STXBP4: variants seen among roughly 807,000 people sequenced by gnomAD.
STXBP4 encodes the protein syntaxin-binding protein 4.
A neutral mutation model predicts 76.1 loss-of-function variants in STXBP4; 55 were observed. That is an observed-to-expected ratio of 0.72 (90% CI 0.58 to 0.91). The LOEUF (loss-of-function observed/expected upper bound fraction) is 0.91, where lower values mean the gene tolerates loss of function less well. Ranked by LOEUF, STXBP4 falls within the 40% of genes least tolerant of loss-of-function variation. STXBP4 has a pLI of 0.00. For synonymous variants in STXBP4, 201 were observed against 220.2 expected, an observed-to-expected ratio of 0.91 and a Z score of 0.77; for missense variants, 618 against 636.9, an observed-to-expected ratio of 0.97 and a Z score of 0.32.
chr17:55,025,782 G>A (rs1278197790), intron 8 of STXBP4, among the ~76,000 whole-genome samples: 1 of 152,148 alleles, frequency 6.6e-6, no homozygotes, highest in Admixed American at 6.6e-5. Context: ...GGAGGTTCTA[G>A]CCAGGATAAT....
the STXBP4 span, among the ~76,000 whole-genome samples, chr17:55,184,223 G>C: frequency 3.9e-5 from 6 of 151,926 alleles, no homozygotes; most frequent in Admixed American, 6.5e-5. Context: ...ATTGAAAAGA[G>C]GTTGTAGAGG....
intron 12 of STXBP4, among the ~76,000 whole-genome samples, chr17:55,048,907 T>C (rs9912810): frequency 0.064 from 9,659 of 151,978 alleles, 948 homozygotes; most frequent in African/African-American, 0.22. Flanking sequence ...CTGAATCTAA[T>C]ATAGGTACTG....
chr17:55,127,932 A>G (rs1386617378), intron 16 of STXBP4, among the ~76,000 whole-genome samples: 1 of 150,456 alleles, frequency 6.6e-6, no homozygotes, highest in East Asian at 1.9e-4. Context: ...TTTATATTCA[A>G]GGTCGGAAAC....
intron 1 of STXBP4, among the ~76,000 whole-genome samples, chr17:54,980,981 CAAT>C (rs2077543422): frequency 6.6e-6 from 1 of 151,700 alleles, no homozygotes; most frequent in Non-Finnish European, 1.5e-5. Flanking sequence ...GCTCATTAGT[CAAT>C]ATTAGTGTTA....
intron 16 of STXBP4, among the ~76,000 whole-genome samples, chr17:55,084,866 A>C (rs12938583): frequency 1 from 152,196 of 152,220 alleles, 76,086 homozygotes; most frequent in Middle Eastern, 1. Context: ...CCAGTATATA[A>C]CCAAAGGACT....
At chr17:55,199,579 C>T in the STXBP4 span, among the ~76,000 whole-genome samples, 3 of 152,166 alleles carry the variant, frequency 2.0e-5, no homozygotes, top group Non-Finnish European at 2.9e-5. Context: ...AAACTTCTAA[C>T]GTGACAGGAA....
chr17:55,134,090 A>C (rs2080001104), intron 16 of STXBP4, among the ~76,000 whole-genome samples: 1 of 152,102 alleles, frequency 6.6e-6, no homozygotes, highest in Non-Finnish European at 1.5e-5. Flanking sequence ...TAGGGAAGAA[A>C]GCGGACAATT....
At chr17:55,148,570 G>A (rs898439235) in intron 17 of STXBP4, among the ~76,000 whole-genome samples, 14 of 148,010 alleles carry the variant, frequency 9.5e-5, no homozygotes, top group South Asian at 4.3e-4. Flanking sequence ...ACGAAGTCTC[G>A]CTCTGTCACC....
intron 8 of STXBP4, among the ~76,000 whole-genome samples, chr17:55,013,615 T>G (rs1262983431): frequency 6.6e-6 from 1 of 152,240 alleles, no homozygotes; most frequent in African/African-American, 2.4e-5. Context: ...GCCTTCTCTT[T>G]GGAAACCTTG....
At chr17:55,195,775 C>T in the STXBP4 span, among the ~76,000 whole-genome samples, 1 of 152,166 alleles carries the variant, frequency 6.6e-6, no homozygotes, top group African/African-American at 2.4e-5. Flanking sequence ...CTGTAAACTT[C>T]TTGAGGGCAG....
downstream of STXBP4, among the ~76,000 whole-genome samples, chr17:55,176,864 C>G (rs546187628): frequency 3.0e-4 from 46 of 152,226 alleles, no homozygotes; most frequent in African/African-American, 1.1e-3. Context: ...TTCTTCTTCC[C>G]TCAGACATAA....
At chr17:55,039,969 G>C (rs73323249) in intron 10 of STXBP4, among the ~76,000 whole-genome samples, 2,476 of 152,142 alleles carry the variant, frequency 0.016, 71 homozygotes, top group African/African-American at 0.057. Flanking sequence ...AGTGATAGTT[G>C]AGGCATAATA....
At chr17:54,997,682 C>G (rs1457343145) in intron 4 of STXBP4, among the ~76,000 whole-genome samples, 1 of 148,084 alleles carries the variant, frequency 6.8e-6, no homozygotes, top group Non-Finnish European at 1.5e-5. Context: ...ATGACCTTGA[C>G]CTCCTGGGCT....
intron 12 of STXBP4, among the ~76,000 whole-genome samples, chr17:55,056,984 C>T (rs1298396750): frequency 6.6e-6 from 1 of 152,172 alleles, no homozygotes; most frequent in Admixed American, 6.5e-5. Context: ...TTAAGATCTG[C>T]ATATTAGCTT....
At chr17:55,117,531 G>A (rs2079795339) in intron 16 of STXBP4, among the ~76,000 whole-genome samples, 1 of 151,330 alleles carries the variant, frequency 6.6e-6, no homozygotes, top group Middle Eastern at 3.4e-3. Context: ...TGACTAAATA[G>A]CACAGCTCTC....
chr17:55,021,114 T>C (rs2078303123), intron 8 of STXBP4, among the ~76,000 whole-genome samples: 1 of 152,216 alleles, frequency 6.6e-6, no homozygotes, highest in African/African-American at 2.4e-5. Context: ...TTTACCATTT[T>C]ACTGAAAGTG....
At chr17:55,212,333 C>A in the STXBP4 span, among the ~76,000 whole-genome samples, 1 of 152,050 alleles carries the variant, frequency 6.6e-6, no homozygotes, top group African/African-American at 2.4e-5. Flanking sequence ...AAATACTTAT[C>A]TGTTAAGAAT....
chr17:55,057,439 C>T (rs755214317), intron 12 of STXBP4, among the ~76,000 whole-genome samples: 2 of 152,140 alleles, frequency 1.3e-5, no homozygotes, highest in Non-Finnish European at 1.5e-5. Flanking sequence ...CTTGAGAAAA[C>T]TAAGCACAAA....
rs1321494837 is a variant in STXBP4, at chr17:55,169,523, GAGGGAT to G, written c.*9613_*9618del. On this transcript the variant is annotated 3_prime_UTR_variant, in exon 18 of 18. Transcript: ENST00000376352. ...GGAGCTGTCATGCATGAGAGTGGTA[GAGGGAT>G]CTGAAAGTGCTAGCAGTGCCTATTA... 2 of 152,234 alleles carry G rather than the reference GAGGGAT, an allele frequency of 1.3e-5. No homozygotes were observed. The highest frequency in any genetic ancestry group is 2.4e-5 in the African/African-American group (1 of 41,452). The allele number at this position is 152,234 out of a possible 1,614,324, so 9.4% of individuals were successfully genotyped here. A position where few individuals can be genotyped will look rare whatever the true frequency, so the allele number is the denominator to read the frequency against.
Sources: allele counts gnomAD v4.1 joint callset (sites outside exome capture counted in the v4.1 genomes callset), GRCh38; gene constraint gnomAD v4.1.1; transcripts MANE v1.5; gene names NCBI Gene and HGNC (gene_info 2026-07-23, HGNC 2026-07-21).